Variants in TP53BP2 observed in about 807,000 individuals in gnomAD.
TP53BP2 encodes tumor protein p53 binding protein 2, also known as apoptosis-stimulating of p53 protein 2.
In TP53BP2, 62 loss-of-function variants were observed where a neutral mutation model predicts 126.2. The ratio of observed to expected loss-of-function variants is 0.49; its 90% CI spans 0.40 to 0.61. The LOEUF is 0.61. TP53BP2 is among the 20% of genes least tolerant of loss of function. The pLI is 0.00. For missense variants in TP53BP2, 1,215 were observed against 1,402.8 expected (o/e 0.87, Z 2.14); for synonymous variants, 485 against 502.9 (o/e 0.96, Z 0.48).
chr1:223,817,962 T>A (rs1663148361), intron 2 of TP53BP2, among the ~76,000 whole-genome samples: 1 of 150,442 alleles, frequency 6.6e-6, no homozygotes, highest in African/African-American at 2.4e-5. Flanking sequence ...TTACACATAC[T>A]AATCTGAAAA....
At chr1:223,839,383 AT>A (rs1664030089) in intron 1 of TP53BP2, among the ~76,000 whole-genome samples, 2 of 152,206 alleles carry the variant, frequency 1.3e-5, no homozygotes, top group Admixed American at 1.3e-4. Context: ...GCTCCTCTTC[AT>A]CCCTGGGAGG....
At chr1:223,803,585 C>T (rs574780745) in intron 6 of TP53BP2, 133 bp from the exon 7 acceptor site, 8 of 676,468 alleles carry the variant, frequency 1.2e-5, no homozygotes, top group South Asian at 3.1e-5. Context: ...TGGAAGCAAC[C>T]GACTTCTTTT....
chr1:223,805,615 A>C (rs1372338262), intron 5 of TP53BP2, among the ~76,000 whole-genome samples: 1 of 152,232 alleles, frequency 6.6e-6, no homozygotes, highest in Non-Finnish European at 1.5e-5. Flanking sequence ...ACTGCCTTGA[A>C]GAATTCCTGG....
intron 16 of TP53BP2, among the ~76,000 whole-genome samples, chr1:223,784,575 C>T (rs1661885091): frequency 6.6e-6 from 1 of 152,128 alleles, no homozygotes; most frequent in South Asian, 2.1e-4. Context: ...TTATAAGCAT[C>T]TCTTAAAGGA....
intron 1 of TP53BP2, among the ~76,000 whole-genome samples, chr1:223,822,058 C>A (rs1428249127): frequency 6.6e-6 from 1 of 151,812 alleles, no homozygotes; most frequent in Non-Finnish European, 1.5e-5. Context: ...CACACCACAC[C>A]ACGCCATGCC....
chr1:223,802,594 T>G, intron 8 of TP53BP2, 137 bp downstream of exon 8: 1 of 1,127,864 alleles, frequency 8.9e-7, no homozygotes, highest in South Asian at 1.5e-5. Flanking sequence ...GGATTGTCTT[T>G]TAAGGATCCA....
At chr1:223,831,478 A>ATATATATAT (rs1397956645) in intron 1 of TP53BP2, among the ~76,000 whole-genome samples, 7 of 43,602 alleles carry the variant, frequency 1.6e-4, no homozygotes, top group African/African-American at 2.2e-4. Flanking sequence ...AAAAAAAAAA[A>ATATATATAT]AAATATATAT....
intron 1 of TP53BP2, among the ~76,000 whole-genome samples, chr1:223,827,172 T>C (rs1663528143): frequency 1.3e-5 from 2 of 152,186 alleles, no homozygotes; most frequent in African/African-American, 4.8e-5. Context: ...TGCAGAGGCA[T>C]TTAAAGCCTA....
intron 12 of TP53BP2, 85 bp downstream of exon 12, chr1:223,798,130 T>G: frequency 1.6e-5 from 20 of 1,246,616 alleles, no homozygotes; most frequent in South Asian, 2.9e-5. Flanking sequence ...AAAATAGGGA[T>G]TAGTTATTTT....
At chr1:223,815,783 G>C (rs184025476) in intron 2 of TP53BP2, among the ~76,000 whole-genome samples, 493 of 132,456 alleles carry the variant, frequency 3.7e-3, no homozygotes, top group Non-Finnish European at 4.6e-3. Flanking sequence ...TATTTTTACT[G>C]TACCTTTTCC....
At chr1:223,789,234 A>G in intron 15 of TP53BP2, 60 bp from the exon 16 acceptor site, 1 of 1,572,774 alleles carries the variant, frequency 6.4e-7, no homozygotes. Context: ...ACCTGCTGAT[A>G]AGATATCTGG....
chr1:223,795,280 G>A (rs549138595), intron 13 of TP53BP2, among the ~76,000 whole-genome samples: 1 of 152,182 alleles, frequency 6.6e-6, no homozygotes, highest in South Asian at 2.1e-4. Flanking sequence ...GGAGGAAGAG[G>A]CTGAAGAGGG....
At chr1:223,835,759 T>C (rs1663900503) in intron 1 of TP53BP2, among the ~76,000 whole-genome samples, 1 of 152,086 alleles carries the variant, frequency 6.6e-6, no homozygotes, top group African/African-American at 2.4e-5. Context: ...CTGTGCTAAG[T>C]GCTAGAAACA....
chr1:223,838,103 C>T (rs1443363601), intron 1 of TP53BP2, among the ~76,000 whole-genome samples: 1 of 152,124 alleles, frequency 6.6e-6, no homozygotes, highest in Non-Finnish European at 1.5e-5. Flanking sequence ...TCTAAAGTAG[C>T]CATCGCAGTC....
intron 1 of TP53BP2, among the ~76,000 whole-genome samples, chr1:223,843,109 G>A (rs955833176): frequency 6.6e-6 from 1 of 151,710 alleles, no homozygotes; most frequent in Admixed American, 6.6e-5. Flanking sequence ...ATCACTTCAT[G>A]TCCCACATAA....
chr1:223,787,433 T>C (rs1662008515), intron 16 of TP53BP2, among the ~76,000 whole-genome samples: 1 of 151,742 alleles, frequency 6.6e-6, no homozygotes, highest in African/African-American at 2.4e-5. Flanking sequence ...TATCAAAATA[T>C]TCTATGGTCC....
At chr1:223,787,207 C>G (rs1287812783) in intron 16 of TP53BP2, among the ~76,000 whole-genome samples, 1 of 152,026 alleles carries the variant, frequency 6.6e-6, no homozygotes, top group Non-Finnish European at 1.5e-5. Flanking sequence ...ACACATTATA[C>G]CGGTTAACAC....
intron 1 of TP53BP2, among the ~76,000 whole-genome samples, chr1:223,841,876 A>G (rs977257844): frequency 6.6e-6 from 1 of 151,950 alleles, no homozygotes; most frequent in African/African-American, 2.4e-5. Flanking sequence ...GATCACTTCA[A>G]CTGAGCTTTT....
At chr1:223,821,603 C>T (rs945881590) in intron 1 of TP53BP2, among the ~76,000 whole-genome samples, 6 of 152,214 alleles carry the variant, frequency 3.9e-5, no homozygotes, top group African/African-American at 1.2e-4. Context: ...AATACAGTCA[C>T]ATCAGTTCAA....
Sources: allele counts gnomAD v4.1 joint callset (sites outside exome capture counted in the v4.1 genomes callset), GRCh38; gene constraint gnomAD v4.1.1; transcripts MANE v1.5; gene names NCBI Gene and HGNC (gene_info 2026-07-23, HGNC 2026-07-21).